UBE2F: variants seen among roughly 807,000 people sequenced by gnomAD.
UBE2F encodes the protein ubiquitin conjugating enzyme E2 F (putative).
In UBE2F, 5 loss-of-function variants were observed where a neutral mutation model predicts 29.6. That is an observed-to-expected ratio of 0.17 (90% CI 0.09 to 0.36). The LOEUF (loss-of-function observed/expected upper bound fraction) is 0.36, where lower values mean the gene tolerates loss of function less well. Among genes scored for constraint, UBE2F ranks in the 10% least tolerant of loss-of-function variants. The pLI is 1.00. For synonymous variants in UBE2F, 66 were observed against 81.8 expected, an observed-to-expected ratio of 0.81 and a Z score of 1.04; for missense variants, 141 against 228.5, an observed-to-expected ratio of 0.62 and a Z score of 2.47.
intron 8 of UBE2F, among the ~76,000 whole-genome samples, chr2:238,034,579 ATATAG>A (rs1311356341): frequency 6.6e-6 from 1 of 152,214 alleles, no homozygotes; most frequent in Non-Finnish European, 1.5e-5. Context: ...TAGGTCTAAC[ATATAG>A]TAAAGAAGAT....
At position 237,984,948 on chromosome 2, in the gene UBE2F, TTTTG is replaced by T. The variant is rs763108434; in HGVS notation, c.119-3007_119-3004del. 2.5e-3 allele frequency among the ~76,000 whole-genome samples: 379 copies of T among 151,622 alleles called. 1 individual carries two copies. Among genetic ancestry groups the T allele is most frequent in the Non-Finnish European group, 2.3e-3 (159 of 67,918 alleles). ...GCATGCACCACCACGCCTGACTCTT[TTTTG>T]TTTGTTTATTTGTTTGAAGAGGTTG... On this transcript the variant is annotated intron_variant, in intron 2 of 9. Transcript: ENST00000272930.
Position 238,041,413 on chromosome 2 carries a change from C to A in UBE2F, c.*75C>A. ...ACATGAAACAGCAAGAGGTAGCCCC[C>A]TCTCCCGTCCTCATGCTCCCTCTCA... is the stretch of plus-strand genomic sequence containing the variant. On this transcript the variant is annotated 3_prime_UTR_variant, in exon 10 of 10. Transcript: ENST00000272930. 3 of 1,495,842 alleles carry A rather than the reference C, an allele frequency of 2.0e-6. No homozygotes were observed. The highest frequency in any genetic ancestry group is 2.3e-5 in the South Asian group (2 of 87,382). 92.7% of individuals were successfully genotyped at this position (1,495,842 alleles called of 1,614,324 possible). A position where few individuals can be genotyped will look rare whatever the true frequency, so the allele number is the denominator to read the frequency against.
rs931981283 is a variant in UBE2F at position 238,006,436 on chromosome 2, C to G, written c.215-10130C>G. On this transcript the variant is annotated intron_variant, in intron 4 of 9. Transcript: ENST00000272930. ...ATTGTCATCTTAATTATCACATCTT[C>G]TAATCCATGAACATGGTTTATATCT... Among the ~76,000 whole-genome samples the G allele has an allele frequency of 4.9e-4, 74 of 152,242 alleles. 2 individuals carry two copies. The highest frequency in any genetic ancestry group is 1.8e-3 in the African/African-American group (74 of 41,468).
intron 9 of UBE2F, among the ~76,000 whole-genome samples, chr2:238,039,531 A>G (rs926262669): frequency 5.3e-5 from 8 of 152,242 alleles, no homozygotes; most frequent in South Asian, 2.1e-4. Context: ...GGCAGATACC[A>G]TCATGATCCC....
At position 237,982,014 on chromosome 2, in the gene UBE2F, C is replaced by T. The variant is rs1576594502; in HGVS notation, c.119-5949C>T. On this transcript the variant is annotated intron_variant, in intron 2 of 9. Transcript: ENST00000272930. The surrounding 1 kb of genome is among the most constrained non-coding windows in gnomAD (Gnocchi z 4.1). ...TGGGGCATTAGGAGTTTTAAAAGCTCAGCAGGTACTGGATTGTGGTAATGG... is the reference window on the plus strand; with the variant it reads ...TGGGGCATTAGGAGTTTTAAAAGCTTAGCAGGTACTGGATTGTGGTAATGG... Among the ~76,000 whole-genome samples, 1 of 152,238 alleles carries T rather than the reference C, an allele frequency of 6.6e-6. No homozygotes were observed. Among genetic ancestry groups the T allele is most frequent in the East Asian group, 1.9e-4 (1 of 5,176 alleles).
chr2:238,020,649 A>G lies in UBE2F; in HGVS notation c.282+4016A>G, dbSNP rs1576629750. 2.6e-5 allele frequency among the ~76,000 whole-genome samples: 4 copies of G among 152,354 alleles called. No individual in the cohort carries two copies. In the East Asian group the frequency reaches 5.8e-4, roughly 22 times the overall value. On this transcript the variant is annotated intron_variant, in intron 5 of 9. Coordinates refer to ENST00000272930, the MANE Select transcript of UBE2F (RefSeq NM_080678.3). ...TTTAAAAGAAAAATGTCCATTTGGA[A>G]TCCCCCACCCCACCCAATATCCCAG... is the stretch of plus-strand genomic sequence containing the variant.
intron 6 of UBE2F, among the ~76,000 whole-genome samples, chr2:238,026,554 G>T (rs1026189482): frequency 6.6e-6 from 1 of 151,928 alleles, no homozygotes; most frequent in African/African-American, 2.4e-5. Context: ...CTGCCTCAGC[G>T]TCCCGAGTAG....
intron 5 of UBE2F, chr2:238,025,122 T>C: frequency 1.8e-6 from 1 of 547,512 alleles, no homozygotes; most frequent in Admixed American, 3.0e-5. Context: ...GGGTAGACTT[T>C]GCTGCTGAGA....
chr2:238,008,306 C>G (rs1268913037), intron 4 of UBE2F, among the ~76,000 whole-genome samples: 1 of 152,124 alleles, frequency 6.6e-6, no homozygotes, highest in Non-Finnish European at 1.5e-5. Context: ...AGCCACCTGT[C>G]TCTGGAATTT....
At chr2:238,000,627 A>G (rs11684788) in intron 4 of UBE2F, among the ~76,000 whole-genome samples, 44,940 of 152,110 alleles carry the variant, frequency 0.3, 8,264 homozygotes, top group Admixed American at 0.41. Flanking sequence ...AAAATTTTTT[A>G]TGTGCAGGTC....
At chr2:238,007,243 T>C (rs1300206684) in intron 4 of UBE2F, among the ~76,000 whole-genome samples, 1 of 152,162 alleles carries the variant, frequency 6.6e-6, no homozygotes, top group African/African-American at 2.4e-5. Context: ...TGCCTCAGCT[T>C]CCTAATTAGC....
intron 1 of UBE2F, among the ~76,000 whole-genome samples, chr2:237,968,357 C>T (rs1181690487): frequency 7.9e-5 from 12 of 152,116 alleles, no homozygotes; most frequent in Non-Finnish European, 4.4e-5. Context: ...CAAAGATGGT[C>T]GGTCAACCAG....
chr2:238,041,160 C>T, intron 9 of UBE2F, 128 bp from the exon 10 acceptor site: 1 of 855,088 alleles, frequency 1.2e-6, no homozygotes, highest in South Asian at 1.5e-5. Flanking sequence ...GGTCCCAGTC[C>T]TTCTACCACC....
chr2:237,987,897 T>C, intron 2 of UBE2F, 66 bp from the exon 3 acceptor site: 1 of 888,784 alleles, frequency 1.1e-6, no homozygotes, highest in Non-Finnish European at 1.7e-6. Flanking sequence ...AAATTGCCAA[T>C]TTAGAACTGG....
intron 2 of UBE2F, among the ~76,000 whole-genome samples, chr2:237,981,864 C>A (rs116361289): frequency 1.5e-4 from 23 of 151,912 alleles, no homozygotes; most frequent in African/African-American, 5.6e-4. Flanking sequence ...TGAGCTCATG[C>A]GATCTGCCCT....
chr2:238,007,917 A>G (rs566207575), intron 4 of UBE2F, among the ~76,000 whole-genome samples: 13 of 152,226 alleles, frequency 8.5e-5, no homozygotes, highest in African/African-American at 3.1e-4. Context: ...GGAGTGTCCT[A>G]TTCTCTGGAA....
chr2:238,016,523 TAA>T, intron 4 of UBE2F, 41 bp from the exon 5 acceptor site: 1 of 1,521,820 alleles, frequency 6.6e-7, no homozygotes, highest in Admixed American at 1.8e-5. Context: ...CTTTTTTTTT[TAA>T]TTTAAAGGAT....
chr2:238,025,436 T>C (rs747818335), intron 6 of UBE2F, 24 bp downstream of exon 6: 3 of 1,601,098 alleles, frequency 1.9e-6, no homozygotes, highest in East Asian at 4.5e-5. Context: ...CTTTTCTTTC[T>C]TCTACATTCG....
chr2:237,991,138 G>T lies in UBE2F; in HGVS notation c.148+3146G>T, dbSNP rs562147492. Among the ~76,000 whole-genome samples, 4 of 152,278 alleles carry T rather than the reference G, an allele frequency of 2.6e-5. No individual in the cohort carries two copies. The South Asian group carries it at 8.3e-4, about 32-fold the overall frequency. The stretch of plus-strand genomic sequence containing the variant: ...TCCTAGCCCTATAGCTATGGTGTCA[G>T]ATAAAAAGACAGCATGCTCCCTGCC... On this transcript the variant is annotated intron_variant, in intron 3 of 9. Coordinates refer to ENST00000272930, the MANE Select transcript of UBE2F (RefSeq NM_080678.3).
Sources: gnomAD v4.1 joint callset for allele counts (sites outside exome capture counted in the v4.1 genomes callset) on GRCh38, gnomAD v4.1.1 for gene constraint, Gnocchi (gnomAD v3.1) non-coding constraint, MANE v1.5 for transcripts, NCBI Gene and HGNC (gene_info 2026-07-23, HGNC 2026-07-21) for gene names.